The following TRPM3 variants were observed in gnomAD, a reference collection of about 807,000 sequenced individuals.
The protein encoded by TRPM3 is transient receptor potential cation channel subfamily M member 3.
A neutral mutation model predicts 181.2 loss-of-function variants in TRPM3; 77 were observed. The observed-to-expected ratio is 0.42, with a 90% CI of 0.35 to 0.51. The LOEUF (loss-of-function observed/expected upper bound fraction) is 0.51, where lower values mean the gene tolerates loss of function less well. Ranked by LOEUF, TRPM3 falls within the 20% of genes least tolerant of loss-of-function variation. The pLI is 0.01. For synonymous variants in TRPM3, 745 were observed against 796.4 expected (o/e 0.94, Z 1.09); for missense variants, 1,759 against 2,196.7 (o/e 0.80, Z 3.98).
intron 1 of TRPM3, among the ~76,000 whole-genome samples, chr9:71,427,485 A>G (rs976280322): frequency 6.6e-6 from 1 of 152,152 alleles, no homozygotes; most frequent in African/African-American, 2.4e-5. Flanking sequence ...TGTTATCCTC[A>G]CTAGCAAAGA....
chr9:71,410,896 T>C (rs1028549445), intron 1 of TRPM3, among the ~76,000 whole-genome samples: 9 of 152,198 alleles, frequency 5.9e-5, no homozygotes, highest in African/African-American at 1.4e-4. Flanking sequence ...TCAAAAAGTT[T>C]ATCCACCATG....
intron 1 of TRPM3, among the ~76,000 whole-genome samples, chr9:70,924,711 A>C (rs2096702793): frequency 6.6e-6 from 1 of 152,166 alleles, no homozygotes; most frequent in African/African-American, 2.4e-5. Context: ...GCTAAGCTAA[A>C]ATTTGACATG....
At chr9:70,742,224 G>A (rs1478568565) in intron 8 of TRPM3, among the ~76,000 whole-genome samples, 2 of 151,858 alleles carry the variant, frequency 1.3e-5, no homozygotes, top group Admixed American at 6.6e-5. Flanking sequence ...TAGAAAAAAT[G>A]GAAAATGCAC....
Position 71,007,039 on chromosome 9 carries a change from C to CA in TRPM3, c.177+114138dup, listed in dbSNP as rs59442017. 3.2e-3 allele frequency among the ~76,000 whole-genome samples: 90 copies of CA among 27,968 alleles called. 2 individuals are homozygous for CA. The highest frequency in any genetic ancestry group is 5.9e-3 in the South Asian group (2 of 340). 18.3% of individuals were successfully genotyped at this position (27,968 alleles called of 152,430 possible). A position where few individuals can be genotyped will look rare whatever the true frequency, so the allele number is the denominator to read the frequency against. ...AGGCAACAAGAGCGAAACTCCATCT[C>CA]AAAAAAAAAAAAAAAAAAAAAAAAG... On this transcript the variant is annotated intron_variant, in intron 1 of 25. Transcript: ENST00000677713.
chr9:71,112,972 T>A (rs2071470321), intron 1 of TRPM3, among the ~76,000 whole-genome samples: 1 of 152,060 alleles, frequency 6.6e-6, no homozygotes, highest in Non-Finnish European at 1.5e-5. Flanking sequence ...ATTCCATGAT[T>A]TGAGGAGGGG....
At chr9:71,380,469 C>G (rs1379660546) in intron 1 of TRPM3, among the ~76,000 whole-genome samples, 1 of 151,932 alleles carries the variant, frequency 6.6e-6, no homozygotes, top group African/African-American at 2.4e-5. Context: ...TTTTGTCAAT[C>G]ATTTTATTGA....
chr9:70,963,616 G>A (rs745400663), intron 1 of TRPM3, among the ~76,000 whole-genome samples: 13 of 152,104 alleles, frequency 8.5e-5, no homozygotes, highest in Non-Finnish European at 1.8e-4. Context: ...TTTTGCAAGT[G>A]TGCTGTATTT....
intron 7 of TRPM3, among the ~76,000 whole-genome samples, chr9:70,779,901 T>C (rs764145167): frequency 5.9e-5 from 9 of 152,126 alleles, no homozygotes; most frequent in Admixed American, 3.9e-4. Flanking sequence ...AAATGGGAGT[T>C]TGACCATTTC....
At chr9:70,849,552 T>A (rs1341078035) in intron 3 of TRPM3, among the ~76,000 whole-genome samples, 1 of 152,298 alleles carries the variant, frequency 6.6e-6, no homozygotes, top group Middle Eastern at 3.4e-3. Context: ...TAATGTAAGG[T>A]AAATCTTAAA....
rs1166408123 is a variant in TRPM3 at position 70,536,683 on chromosome 9, G to T, written c.4430C>A (p.Thr1477Asn). The T allele has an allele frequency of 1.9e-6, 3 of 1,614,052 alleles. No homozygotes were observed. The highest frequency in any genetic ancestry group is 2.2e-5 in the East Asian group (1 of 44,876). The change falls in exon 26 of 26, where the codon ACC (threonine) becomes AAC (asparagine). Residue 1477 changes from threonine (T) to asparagine (N), a missense_variant. By Grantham distance (65) the Thr-to-Asn change is moderately conservative. This residue lies in a region of TRPM3 where 612 missense variants were observed against 590.0 expected (regional missense o/e 1.04). Transcript: ENST00000677713. ...AGAAAAAGATCTAGTGTCCATGGAG[G>T]TGATGTCCTCAAAATCAATGCTCCG... ...PSRSIDFEDI[T>N]SMDTRSFSSD...
At position 70,793,678 on chromosome 9, in the gene TRPM3, T is replaced by G. The variant is rs1320861901; in HGVS notation, c.974-9399A>C. On this transcript the variant is annotated intron_variant, in intron 6 of 25. Transcript: ENST00000677713. ...TTTTATCCTGAAGGTCCACATGAGCTGTTTTGTAACTATGAAAACCTGGCA... is the reference window on the plus strand; with the variant it reads ...TTTTATCCTGAAGGTCCACATGAGCGGTTTTGTAACTATGAAAACCTGGCA... The G allele has an allele frequency of 1.3e-5, 6 of 470,358 alleles. No homozygotes were observed. The East Asian group carries it at 4.2e-4, about 33-fold the overall frequency. 29.1% of individuals were successfully genotyped at this position (470,358 alleles called of 1,614,324 possible).
intron 18 of TRPM3, among the ~76,000 whole-genome samples, 197 bp downstream of exon 18, chr9:70,615,711 G>A (rs2062683998): frequency 6.6e-6 from 1 of 152,172 alleles, no homozygotes; most frequent in South Asian, 2.1e-4. Flanking sequence ...ACATATGGGT[G>A]GACCCTATGG....
intron 1 of TRPM3, among the ~76,000 whole-genome samples, chr9:70,871,993 A>G (rs2132572699): frequency 6.6e-6 from 1 of 152,170 alleles, no homozygotes; most frequent in South Asian, 2.1e-4. Context: ...AACATGGAAA[A>G]TGCATATTTC....
At chr9:71,311,618 C>T (rs948758704) in intron 1 of TRPM3, among the ~76,000 whole-genome samples, 3 of 151,942 alleles carry the variant, frequency 2.0e-5, no homozygotes, top group Non-Finnish European at 4.4e-5. Context: ...AGTAACTCAA[C>T]ATGAGTCATA....
chr9:70,950,814 T>G (rs2096990023), intron 1 of TRPM3, among the ~76,000 whole-genome samples: 1 of 152,092 alleles, frequency 6.6e-6, no homozygotes, highest in Non-Finnish European at 1.5e-5. Context: ...TTTAATTTGT[T>G]TTTCAATTAT....
Position 71,367,773 on chromosome 9 carries a change from T to C in TRPM3, c.183+78880A>G, listed in dbSNP as rs1713507351. On this transcript the variant is annotated intron_variant, in intron 1 of 24. Coordinates refer to the TRPM3 transcript ENST00000357533. ...AATTTCCCCCATGTTACTAAGTTAC[T>C]GGAAGAATTTCCATGGGAAATTTAC... 2.6e-5 allele frequency among the ~76,000 whole-genome samples: 4 copies of C among 152,206 alleles called. No homozygotes were observed. In the South Asian group the frequency reaches 8.3e-4, roughly 31 times the overall value.
At chr9:71,071,083 C>T (rs1204693408) in intron 1 of TRPM3, among the ~76,000 whole-genome samples, 3 of 152,116 alleles carry the variant, frequency 2.0e-5, no homozygotes, top group African/African-American at 7.2e-5. Context: ...TTTTAGTCTT[C>T]AGGGGTGATG....
intron 1 of TRPM3, among the ~76,000 whole-genome samples, chr9:70,952,868 T>A (rs1362278589): frequency 6.6e-6 from 1 of 152,068 alleles, no homozygotes; most frequent in Non-Finnish European, 1.5e-5. Flanking sequence ...GAAGGACTAT[T>A]TACACAGGGA....
rs56653631 is a variant in TRPM3, at chr9:71,047,810, T to TCACACA, written c.177+73362_177+73367dup. Among the ~76,000 whole-genome samples, 368 of 141,614 alleles carry TCACACA rather than the reference T, an allele frequency of 2.6e-3. 1 individual carries two copies. The highest frequency in any genetic ancestry group is 8.1e-3 in the East Asian group (39 of 4,804). The allele number at this position is 141,614 out of a possible 152,430, so 92.9% of individuals were successfully genotyped here. A position where few individuals can be genotyped will look rare whatever the true frequency, so the allele number is the denominator to read the frequency against. On this transcript the variant is annotated intron_variant, in intron 1 of 25. Coordinates refer to ENST00000677713, the MANE Select transcript of TRPM3 (RefSeq NM_001366145.2). ...TCAAGATACAAGACTACTGGCTGCA[T>TCACACA]CACACACACACACACACACACACAC...
Sources: gnomAD v4.1 joint callset for allele counts (sites outside exome capture counted in the v4.1 genomes callset) on GRCh38, gnomAD v4.1.1 for gene constraint, gnomAD v4.1.1 regional missense constraint, MANE v1.5 for transcripts, NCBI Gene and HGNC (gene_info 2026-07-23, HGNC 2026-07-21) for gene names.